Variants in HMCN1 observed in about 807,000 individuals in gnomAD.
HMCN1 encodes the protein hemicentin 1.
HMCN1 carries 321 observed loss-of-function variants against 625.9 expected under a neutral mutation model. The ratio of observed to expected loss-of-function variants is 0.51; its 90% CI spans 0.47 to 0.56. The LOEUF (loss-of-function observed/expected upper bound fraction) is 0.56, where lower values mean the gene tolerates loss of function less well. HMCN1 is among the 20% of genes least tolerant of loss of function. The pLI, the probability that HMCN1 is intolerant of heterozygous loss-of-function variation, is 0.00. For missense variants in HMCN1, 6,588 were observed against 6,887.3 expected, an observed-to-expected ratio of 0.96 and a Z score of 1.54; for synonymous variants, 2,425 against 2,417.6, an observed-to-expected ratio of 1.00 and a Z score of -0.09.
intron 6 of HMCN1, among the ~76,000 whole-genome samples, chr1:185,921,307 C>T (rs901599413): frequency 6.6e-6 from 1 of 152,092 alleles, no homozygotes; most frequent in African/African-American, 2.4e-5. Context: ...TGAGATTCTG[C>T]TCAATGAGGA....
intron 1 of HMCN1, among the ~76,000 whole-genome samples, chr1:185,794,591 G>C (rs1190009309): frequency 6.8e-6 from 1 of 147,038 alleles, no homozygotes; most frequent in Non-Finnish European, 1.5e-5. Flanking sequence ...AGCCAGTTTA[G>C]TCTTTACACA....
At chr1:186,108,253 T>C (rs933593944) in intron 70 of HMCN1, among the ~76,000 whole-genome samples, 15 of 152,148 alleles carry the variant, frequency 9.9e-5, no homozygotes, top group African/African-American at 3.6e-4. Flanking sequence ...ATGTAGTTGT[T>C]GGAAGGATTT....
rs193090537 is a variant in HMCN1 at position 185,901,591 on chromosome 1, G to A, written c.622-7746G>A. On this transcript the variant is annotated intron_variant, in intron 4 of 106. Transcript: ENST00000271588. ...AAATTTGTAACGTTCTTCGCATGGAGCTTAGCATGTAAGTGCTGTTTAAAT... is the reference window on the plus strand; with the variant it reads ...AAATTTGTAACGTTCTTCGCATGGAACTTAGCATGTAAGTGCTGTTTAAAT... Among the ~76,000 whole-genome samples the A allele has an allele frequency of 1.1e-3, 170 of 151,884 alleles. 1 individual carries two copies. The highest frequency in any genetic ancestry group is 4.0e-3 in the African/African-American group (166 of 41,510).
chr1:186,103,272 T>C (rs1332365747), intron 68 of HMCN1, among the ~76,000 whole-genome samples, 200 bp from the exon 69 acceptor site: 1 of 152,164 alleles, frequency 6.6e-6, no homozygotes, highest in Non-Finnish European at 1.5e-5. Flanking sequence ...TACTTCATTA[T>C]CTCTCATAGG....
rs567593936 is a variant in HMCN1 at position 185,998,462 on chromosome 1, C to T, written c.3874+938C>T. On this transcript the variant is annotated intron_variant, in intron 25 of 106. Transcript: ENST00000271588. Reference sequence around the variant, plus strand: ...GCTTTTCAGATACCTAAAGAATTAACAATAACTATTCCAAGAGTCACTGAG... The same window carrying T: ...GCTTTTCAGATACCTAAAGAATTAATAATAACTATTCCAAGAGTCACTGAG... 2.0e-5 allele frequency among the ~76,000 whole-genome samples: 3 copies of T among 152,206 alleles called. No homozygotes were observed. In the East Asian group the frequency reaches 5.8e-4, roughly 29 times the overall value.
intron 26 of HMCN1, among the ~76,000 whole-genome samples, chr1:186,000,585 G>GTGTA (rs773895994): frequency 0.033 from 4,894 of 147,266 alleles, 112 homozygotes; most frequent in Non-Finnish European, 0.05. Flanking sequence ...GTGTGTGTGT[G>GTGTA]TGTGTGTATG....
rs1184770538 is a variant in HMCN1 at position 186,000,160 on chromosome 1, C to T, written c.3990C>T (p.Pro1330=). 6.2e-7 allele frequency: 1 copy of T among 1,613,112 alleles called. No homozygotes were observed. Among genetic ancestry groups the T allele is most frequent in the Non-Finnish European group, 8.5e-7 (1 of 1,179,360 alleles). Residue 1330 remains proline (P), a synonymous_variant, in exon 26 of 107, where the codon CCC becomes CCT. Transcript: ENST00000271588. Reference sequence around the variant, plus strand: ...TGCTGGTTATTGCTTCTGTTACACCCTATGACAATGGGGAGTACATCTGTG... The same window carrying T: ...TGCTGGTTATTGCTTCTGTTACACCTTATGACAATGGGGAGTACATCTGTG... ...GTLLVIASVT[P]YDNGEYICVA...
chr1:186,147,390 CT>C (rs11287093), intron 93 of HMCN1, among the ~76,000 whole-genome samples: 51,982 of 138,298 alleles, frequency 0.38, 10,433 homozygotes, highest in East Asian at 0.6. Flanking sequence ...GGCTTCATGT[CT>C]TTTTTTTTTT....
intron 2 of HMCN1, among the ~76,000 whole-genome samples, chr1:185,849,527 A>G (rs916123870): frequency 6.6e-6 from 1 of 152,218 alleles, no homozygotes; most frequent in Admixed American, 6.5e-5. Flanking sequence ...GAATGAATAT[A>G]CCAGAATATG....
At chr1:186,091,844 A>C (rs1183507575) in intron 64 of HMCN1, among the ~76,000 whole-genome samples, 1 of 152,040 alleles carries the variant, frequency 6.6e-6, no homozygotes, top group Non-Finnish European at 1.5e-5. Context: ...GAACATATAT[A>C]TAACTTAAAG....
At chr1:185,995,215 CTT>C (rs1652705551) in intron 24 of HMCN1, 128 bp downstream of exon 24, 3 of 834,544 alleles carry the variant, frequency 3.6e-6, no homozygotes, top group African/African-American at 3.4e-5. Context: ...TTTTGTGACT[CTT>C]TAACTTTGAA....
At chr1:186,113,474 C>CT (rs1660983774) in intron 72 of HMCN1, among the ~76,000 whole-genome samples, 1 of 152,188 alleles carries the variant, frequency 6.6e-6, no homozygotes. Flanking sequence ...ACTAATATCT[C>CT]TAATACTAAA....
At chr1:185,900,342 C>T (rs1450058179) in intron 4 of HMCN1, among the ~76,000 whole-genome samples, 4 of 151,960 alleles carry the variant, frequency 2.6e-5, no homozygotes, top group Non-Finnish European at 5.9e-5. Context: ...GCTGAATATT[C>T]ACCTATATTA....
rs554942566 is a variant in HMCN1 at position 185,952,257 on chromosome 1, G to A, written c.1829-10261G>A. On this transcript the variant is annotated intron_variant, in intron 11 of 106. Coordinates refer to ENST00000271588, the MANE Select transcript of HMCN1 (RefSeq NM_031935.3). Reference sequence around the variant, plus strand: ...TAGTCACGGAATGAAACTGTAAGCCGGACCAGGTGTGAGGAGGGGAGGTGA... The same window carrying A: ...TAGTCACGGAATGAAACTGTAAGCCAGACCAGGTGTGAGGAGGGGAGGTGA... 2.5e-3 allele frequency among the ~76,000 whole-genome samples: 373 copies of A among 151,758 alleles called. 4 individuals carry two copies. Among genetic ancestry groups the A allele is most frequent in the South Asian group, 0.019 (89 of 4,800 alleles).
In HMCN1 at chr1:185,970,483, G is replaced by C; in HGVS notation, c.2361G>C (p.Leu787=). 1 of 1,613,640 alleles carries C rather than the reference G, an allele frequency of 6.2e-7. No homozygotes were observed. Among genetic ancestry groups the C allele is most frequent in the Non-Finnish European group, 8.5e-7 (1 of 1,179,602 alleles). The change falls in exon 15 of 107, where the codon CTG becomes CTC. Residue 787 remains leucine (L), a synonymous_variant. Coordinates refer to ENST00000271588, the MANE Select transcript of HMCN1 (RefSeq NM_031935.3). ...EAGRATGKIT[L]DVGSPPVFIQ... ...GAAGAGCAACTGGCAAGATAACTCT[G>C]GATGTTGGCTGTAAGCCTCCAGATC... is the stretch of plus-strand genomic sequence containing the variant.
At chr1:186,152,905 AT>A in intron 96 of HMCN1, 34 bp downstream of exon 96, 3 of 1,612,092 alleles carry the variant, frequency 1.9e-6, no homozygotes, top group Non-Finnish European at 2.5e-6. Context: ...TTTGCTGCTT[AT>A]TAGAGTAATG....
intron 47 of HMCN1, 136 bp downstream of exon 47, chr1:186,062,100 A>G: frequency 3.2e-6 from 2 of 618,456 alleles, no homozygotes; most frequent in East Asian, 5.5e-5. Flanking sequence ...GCAAGAATTC[A>G]ATATCAGAAT....
intron 78 of HMCN1, among the ~76,000 whole-genome samples, 158 bp from the exon 79 acceptor site, chr1:186,119,587 A>C (rs1459669260): frequency 6.6e-6 from 1 of 152,198 alleles, no homozygotes; most frequent in Non-Finnish European, 1.5e-5. Context: ...AGCAAGACTC[A>C]AAGAATGCAG....
chr1:186,023,871 A>G (rs1169378375), intron 36 of HMCN1, among the ~76,000 whole-genome samples: 1 of 152,200 alleles, frequency 6.6e-6, no homozygotes, highest in Non-Finnish European at 1.5e-5. Flanking sequence ...ACCTAGAATA[A>G]TGTCCTAGCA....
Sources: gnomAD v4.1 joint callset for allele counts (sites outside exome capture counted in the v4.1 genomes callset) on GRCh38, gnomAD v4.1.1 for gene constraint, MANE v1.5 for transcripts, NCBI Gene and HGNC (gene_info 2026-07-23, HGNC 2026-07-21) for gene names.